The following PCDHGA3 variants were observed in gnomAD, a reference collection of about 807,000 sequenced individuals.
PCDHGA3 encodes protocadherin gamma subfamily A, 3, also known as protocadherin gamma-A3.
A neutral mutation model predicts 58.5 loss-of-function variants in PCDHGA3; 40 were observed. The ratio of observed to expected loss-of-function variants is 0.68; its 90% CI spans 0.53 to 0.89. The LOEUF (loss-of-function observed/expected upper bound fraction) is 0.89. PCDHGA3 is among the 40% of genes least tolerant of loss of function. The probability of loss-of-function intolerance (pLI) is 0.00; values close to 1 mark genes in which losing one functional copy is unlikely to be tolerated. For missense variants in PCDHGA3, 1,223 were observed against 1,195.9 expected (o/e 1.02, Z -0.33); for synonymous variants, 530 against 525.7 (o/e 1.01, Z -0.11).
intron 2 of PCDHGA3, among the ~76,000 whole-genome samples, chr5:141,498,091 C>G (rs2099781521): frequency 6.6e-6 from 1 of 152,156 alleles, no homozygotes; most frequent in African/African-American, 2.4e-5. Context: ...AGAATTGTAT[C>G]TGGTGGTGTG....
intron 1 of PCDHGA3, chr5:141,371,020 A>T: frequency 6.2e-7 from 1 of 1,613,970 alleles, no homozygotes; most frequent in Non-Finnish European, 8.5e-7. Context: ...CCACATCACC[A>T]CCTGGTCCTC....
At chr5:141,385,424 C>T in intron 1 of PCDHGA3, 2 of 1,461,926 alleles carry the variant, frequency 1.4e-6, no homozygotes, top group Non-Finnish European at 1.8e-6. Context: ...ATTTAAAAAA[C>T]TTTATAGAGG....
At chr5:141,459,375 C>T (rs973503237) in intron 1 of PCDHGA3, among the ~76,000 whole-genome samples, 2 of 152,194 alleles carry the variant, frequency 1.3e-5, no homozygotes, top group African/African-American at 4.8e-5. Flanking sequence ...GTATCAGCAG[C>T]GTGTTCCATT....
Position 141,476,598 on chromosome 5 carries a change from A to G in PCDHGA3, c.2425-18209A>G, listed in dbSNP as rs1222456783. The G allele has an allele frequency of 6.2e-7, 1 of 1,614,238 alleles. No homozygotes were observed. Among genetic ancestry groups the G allele is most frequent in the South Asian group, 1.1e-5 (1 of 91,088 alleles). On this transcript the variant is annotated intron_variant, in intron 1 of 3. Transcript: ENST00000253812. This position sits in a 1 kb window ranked among gnomAD's most constrained non-coding sequence, Gnocchi z 7.6. ...CGCTTTCCGCTCGAGAGCGCGCACG[A>G]TCCCGATGTGGGAAGCAACTCTTTA... is the stretch of plus-strand genomic sequence containing the variant.
chr5:141,416,412 A>G (rs1391280535), intron 1 of PCDHGA3: 1 of 152,182 alleles, frequency 6.6e-6, no homozygotes, highest in Non-Finnish European at 1.5e-5. Flanking sequence ...TTTTTGTTAA[A>G]TTTTCTAGTG....
In PCDHGA3 at chr5:141,414,051, A is replaced by G. The variant is rs747091153; in HGVS notation, c.2424+67594A>G. ...CATTCCGAAAATTACCTGACACGCA[A>G]TTGTTGAAGTTCCAACTAAACAAAT... On this transcript the variant is annotated intron_variant, in intron 1 of 3. Coordinates refer to ENST00000253812, the MANE Select transcript of PCDHGA3 (RefSeq NM_018916.4). 5.0e-6 allele frequency: 8 copies of G among 1,610,748 alleles called. No individual in the cohort carries two copies. The Admixed American group carries it at 8.4e-5, about 17-fold the overall frequency.
At chr5:141,378,926 T>C (rs1342547905) in intron 1 of PCDHGA3, 1 of 152,216 alleles carries the variant, frequency 6.6e-6, no homozygotes, top group Non-Finnish European at 1.5e-5. Flanking sequence ...AAAAGTAAGT[T>C]GATGGCCCTG....
At position 141,432,579 on chromosome 5, in the gene PCDHGA3, G is replaced by T; in HGVS notation, c.2425-62228G>T. On this transcript the variant is annotated intron_variant, in intron 1 of 3. Coordinates refer to ENST00000253812, the MANE Select transcript of PCDHGA3 (RefSeq NM_018916.4). This position sits in a 1 kb window ranked among gnomAD's most constrained non-coding sequence, Gnocchi z 6.0. ...GGCCAGAACGCCTGGCTGTCCTACC[G>T]TCTGCTCAAGGCCAGCGAGCCGGGA... is the stretch of plus-strand genomic sequence containing the variant. 1 of 1,613,860 alleles carries T rather than the reference G, an allele frequency of 6.2e-7. No homozygotes were observed. Among genetic ancestry groups the T allele is most frequent in the Non-Finnish European group, 8.5e-7 (1 of 1,179,984 alleles).
intron 1 of PCDHGA3, chr5:141,405,433 T>G (rs539486666): frequency 2.0e-6 from 3 of 1,471,752 alleles, no homozygotes; most frequent in Admixed American, 3.9e-5. Flanking sequence ...TTTTGTTTTG[T>G]TTTTGAGACA....
At chr5:141,387,610 T>A in intron 1 of PCDHGA3, 2 of 558,176 alleles carry the variant, frequency 3.6e-6, no homozygotes, top group East Asian at 3.0e-5. Flanking sequence ...AGGCTGTAGT[T>A]TCCTAGTGCT....
At chr5:141,389,957 G>C in intron 1 of PCDHGA3, 2 of 1,614,080 alleles carry the variant, frequency 1.2e-6, no homozygotes, top group Non-Finnish European at 1.7e-6. Flanking sequence ...TTTACCTAGT[G>C]GTGGCCTTGG....
At chr5:141,388,365 G>A (rs2091332064) in intron 1 of PCDHGA3, 1 of 1,614,002 alleles carries the variant, frequency 6.2e-7, no homozygotes, top group East Asian at 2.2e-5. Flanking sequence ...CCATGATGCG[G>A]ATATTGGTAG....
rs773340535 is a variant in PCDHGA3, at chr5:141,388,285, C to G, written c.2424+41828C>G. Reference sequence around the variant, plus strand: ...ATTAATGACCACACGCCAAAATTCACGCAAAATTCCTTTGAGCTGCAAATA... The same window carrying G: ...ATTAATGACCACACGCCAAAATTCAGGCAAAATTCCTTTGAGCTGCAAATA... On this transcript the variant is annotated intron_variant, in intron 1 of 3. Transcript: ENST00000253812. 3 of 1,613,318 alleles carry G rather than the reference C, an allele frequency of 1.9e-6. No homozygotes were observed. The Admixed American group carries it at 5.0e-5, about 27-fold the overall frequency.
intron 2 of PCDHGA3, among the ~76,000 whole-genome samples, chr5:141,497,076 C>T (rs1052240279): frequency 5.9e-5 from 9 of 151,826 alleles, no homozygotes; most frequent in Non-Finnish European, 8.8e-5. Context: ...GTAATCCCAG[C>T]GACTTAGGAG....
intron 1 of PCDHGA3, chr5:141,418,101 G>T: frequency 6.2e-7 from 1 of 1,614,082 alleles, no homozygotes; most frequent in Non-Finnish European, 8.5e-7. Context: ...GACGCGCAGA[G>T]CGGGGACTTA....
chr5:141,462,599 T>TGG (rs2099043404), intron 1 of PCDHGA3, among the ~76,000 whole-genome samples: 1 of 152,208 alleles, frequency 6.6e-6, no homozygotes, highest in African/African-American at 2.4e-5. Context: ...CCATTTCATA[T>TGG]ATTGTATTTT....
Position 141,486,087 on chromosome 5 carries a change from T to G in PCDHGA3, c.2425-8720T>G. 4 of 1,614,176 alleles carry G rather than the reference T, an allele frequency of 2.5e-6. No individual in the cohort carries two copies. The highest frequency in any genetic ancestry group is 3.4e-6 in the Non-Finnish European group (4 of 1,180,028). ...CCCACTACTGGAAAGCTTACTCTTT[T>G]GGGGCCCCTAGACTTTGAGAGTGAG... On this transcript the variant is annotated intron_variant, in intron 1 of 3. Coordinates refer to ENST00000253812, the MANE Select transcript of PCDHGA3 (RefSeq NM_018916.4). This position sits in a 1 kb window ranked among gnomAD's most constrained non-coding sequence, Gnocchi z 5.0.
chr5:141,415,885 C>A (rs778154458), intron 1 of PCDHGA3: 7 of 978,904 alleles, frequency 7.2e-6, no homozygotes, highest in Non-Finnish European at 9.6e-6. Context: ...ACAATATTGA[C>A]AATTCCTAAG....
chr5:141,409,828 C>T (rs2154542180), intron 1 of PCDHGA3: 1 of 1,611,128 alleles, frequency 6.2e-7, no homozygotes, highest in Non-Finnish European at 8.5e-7. Flanking sequence ...CGCCCACGCT[C>T]AGCGCCAACG....
Sources: gnomAD v4.1 joint callset for allele counts (sites outside exome capture counted in the v4.1 genomes callset) on GRCh38, gnomAD v4.1.1 for gene constraint, Gnocchi (gnomAD v3.1) non-coding constraint, MANE v1.5 for transcripts, NCBI Gene and HGNC (gene_info 2026-07-23, HGNC 2026-07-21) for gene names.